The following WDR43 variants were observed in gnomAD, a reference collection of about 807,000 sequenced individuals.
WDR43 encodes WD repeat-containing protein 43.
Under a neutral mutation model 91.4 loss-of-function variants are expected in WDR43, and 13 were observed. The ratio of observed to expected loss-of-function variants is 0.14; its 90% CI spans 0.09 to 0.23. The LOEUF (loss-of-function observed/expected upper bound fraction) is 0.23. Ranked by LOEUF, WDR43 falls within the 10% of genes least tolerant of loss-of-function variation. WDR43 has a pLI of 1.00. For missense variants in WDR43, 780 were observed against 809.4 expected (o/e 0.96, Z 0.44); for synonymous variants, 331 against 287.9 (o/e 1.15, Z -1.51).
rs762485795 is a variant in WDR43, at chr2:28,942,394, G to T, written c.1804+13G>T. On this transcript the variant is annotated intron_variant, in intron 16 of 17. Transcript: ENST00000407426. ...GTGTATGAAGAAGGTAAAGACTGGG[G>T]GAATGGGATGGAGTCTAGAATTATA... The T allele has an allele frequency of 6.2e-7, 1 of 1,609,908 alleles. No homozygotes were observed. Among genetic ancestry groups the T allele is most frequent in the Non-Finnish European group, 8.5e-7 (1 of 1,177,074 alleles).
chr2:28,919,267 A>C (rs6757913), intron 6 of WDR43, among the ~76,000 whole-genome samples: 62,233 of 151,830 alleles, frequency 0.41, 13,492 homozygotes, highest in Middle Eastern at 0.53. Context: ...GTAAATAAGT[A>C]AATAAATACA....
chr2:28,944,195 C>G (rs1483688782), intron 16 of WDR43, among the ~76,000 whole-genome samples: 1 of 152,188 alleles, frequency 6.6e-6, no homozygotes, highest in South Asian at 2.1e-4. Flanking sequence ...TAGTGCCATT[C>G]TACTTAGTAG....
chr2:28,907,612 C>G (rs79510730), intron 3 of WDR43, among the ~76,000 whole-genome samples: 1 of 132,540 alleles, frequency 7.5e-6, no homozygotes, highest in Non-Finnish European at 1.6e-5. Flanking sequence ...GACGCTGTCT[C>G]AAAAAAAAAA....
chr2:28,940,167 A>G (rs1255864644), intron 14 of WDR43, among the ~76,000 whole-genome samples: 7 of 150,594 alleles, frequency 4.6e-5, no homozygotes, highest in African/African-American at 1.7e-4. Context: ...ACAGGGACAG[A>G]TAAAAGAATA....
intron 3 of WDR43, 50 bp from the exon 4 acceptor site, chr2:28,912,540 A>G: frequency 6.3e-7 from 1 of 1,583,798 alleles, no homozygotes; most frequent in Non-Finnish European, 8.6e-7. Flanking sequence ...TGCTCTGAGT[A>G]AAGTTTTCTC....
chr2:28,895,092 G>A, intron 1 of WDR43, 169 bp downstream of exon 1: 1 of 606,810 alleles, frequency 1.6e-6, no homozygotes, highest in South Asian at 7.0e-5. Flanking sequence ...CCCCGCGTGC[G>A]GCCTGCCGCG....
In WDR43 at chr2:28,912,680, A is replaced by T. The variant is rs751723763; in HGVS notation, c.576A>T (p.Leu192=). ...MLLSAGRTIK[L]WVLETKEVYR... ...TTTCAGCTGGTCGAACAATCAAACT[A>T]TGGGTTTTGGAGACCAAAGAAGTCT... is the stretch of plus-strand genomic sequence containing the variant. Residue 192 remains leucine, a synonymous_variant, in exon 4 of 18, where the codon CTA becomes CTT. Coordinates refer to ENST00000407426, the MANE Select transcript of WDR43 (RefSeq NM_015131.3). 5 of 1,613,890 alleles carry T rather than the reference A, an allele frequency of 3.1e-6. No individual in the cohort carries two copies. The highest frequency in any genetic ancestry group is 4.2e-6 in the Non-Finnish European group (5 of 1,179,898).
chr2:28,895,131 C>T (rs922803711), intron 1 of WDR43: 10 of 409,886 alleles, frequency 2.4e-5, no homozygotes, highest in African/African-American at 1.7e-4. Context: ...GCAGCTCGAC[C>T]CGGCCGGCCT....
intron 14 of WDR43, 28 bp downstream of exon 14, chr2:28,938,022 G>A: frequency 1.2e-6 from 2 of 1,609,682 alleles, no homozygotes; most frequent in Non-Finnish European, 1.7e-6. Context: ...CTGTTGCCGA[G>A]TATGAATAGT....
chr2:28,947,669 CTTG>C lies in WDR43; in HGVS notation c.*894_*896del, dbSNP rs1268915239. The C allele has an allele frequency of 6.6e-6, 1 of 151,616 alleles. No homozygotes were observed. Among genetic ancestry groups the C allele is most frequent in the East Asian group, 1.9e-4 (1 of 5,164 alleles). 9.4% of individuals were successfully genotyped at this position (151,616 alleles called of 1,614,324 possible). A position where few individuals can be genotyped will look rare whatever the true frequency, so the allele number is the denominator to read the frequency against. On this transcript the variant is annotated 3_prime_UTR_variant, in exon 18 of 18. Coordinates refer to ENST00000407426, the MANE Select transcript of WDR43 (RefSeq NM_015131.3). ...TTTGGTTTTAGATATTAATGATAAC[CTTG>C]TTGGAATTTTTTTTCCAAAGAAAAT... is the stretch of plus-strand genomic sequence containing the variant.
chr2:28,900,519 C>G (rs1670559326), intron 1 of WDR43, among the ~76,000 whole-genome samples: 1 of 152,144 alleles, frequency 6.6e-6, no homozygotes, highest in Admixed American at 6.5e-5. Context: ...TCTTTTCCTG[C>G]TGAGATGGTA....
intron 5 of WDR43, among the ~76,000 whole-genome samples, chr2:28,915,885 A>T (rs894838436): frequency 1.3e-5 from 2 of 152,250 alleles, no homozygotes; most frequent in African/African-American, 2.4e-5. Context: ...GAATTTTTGC[A>T]TGAAAACATT....
intron 6 of WDR43, among the ~76,000 whole-genome samples, chr2:28,920,764 C>T (rs1451265683): frequency 2.0e-5 from 3 of 152,018 alleles, no homozygotes; most frequent in African/African-American, 7.3e-5. Context: ...GCAAACTCTG[C>T]CTCCCAGGTT....
intron 4 of WDR43, 21 bp from the exon 5 acceptor site, chr2:28,914,048 C>G (rs1447534527): frequency 6.2e-7 from 1 of 1,611,056 alleles, no homozygotes; most frequent in Non-Finnish European, 8.5e-7. Context: ...GCTCTCCTAA[C>G]TGAGATTTAA....
At chr2:28,898,812 A>G (rs1357171063) in intron 1 of WDR43, among the ~76,000 whole-genome samples, 2 of 151,142 alleles carry the variant, frequency 1.3e-5, no homozygotes, top group Admixed American at 6.6e-5. Context: ...TGCATGTAAA[A>G]CTCCTCTTTT....
At chr2:28,914,653 G>A (rs1226936964) in intron 5 of WDR43, among the ~76,000 whole-genome samples, 3 of 152,144 alleles carry the variant, frequency 2.0e-5, no homozygotes, top group South Asian at 2.1e-4. Flanking sequence ...AAATCAGGCC[G>A]GGTGCCGTGG....
At chr2:28,898,264 C>G (rs186759258) in intron 1 of WDR43, among the ~76,000 whole-genome samples, 1 of 152,220 alleles carries the variant, frequency 6.6e-6, no homozygotes, top group South Asian at 2.1e-4. Context: ...GAATGAAGCA[C>G]ATGGCATTTC....
chr2:28,918,885 A>G (rs930908135), intron 6 of WDR43, among the ~76,000 whole-genome samples: 6 of 152,194 alleles, frequency 3.9e-5, no homozygotes, highest in African/African-American at 1.4e-4. Context: ...TTTTAACTCA[A>G]TTTAGTTTTG....
chr2:28,902,851 C>T (rs1214392977), intron 2 of WDR43, among the ~76,000 whole-genome samples: 3 of 152,120 alleles, frequency 2.0e-5, no homozygotes, highest in East Asian at 1.9e-4. Flanking sequence ...AGACAGTAAC[C>T]GAACTGGTCT....
Sources: allele counts gnomAD v4.1 joint callset (sites outside exome capture counted in the v4.1 genomes callset), GRCh38; gene constraint gnomAD v4.1.1; transcripts MANE v1.5; gene names NCBI Gene and HGNC (gene_info 2026-07-23, HGNC 2026-07-21).